The following SRGAP3 variants were observed in gnomAD, a reference collection of about 807,000 sequenced individuals.
SRGAP3 encodes the protein SLIT-ROBO Rho GTPase-activating protein 3.
A neutral mutation model predicts 121.1 loss-of-function variants in SRGAP3; 39 were observed. The observed-to-expected ratio is 0.32, with a 90% confidence interval of 0.25 to 0.42. SRGAP3 has a LOEUF of 0.42. Among genes scored for constraint, SRGAP3 ranks in the 10% least tolerant of loss-of-function variants. SRGAP3 has a pLI of 1.00. For synonymous variants in SRGAP3, 601 were observed against 570.0 expected, an observed-to-expected ratio of 1.05 and a Z score of -0.77; for missense variants, 1,213 against 1,470.6, an observed-to-expected ratio of 0.82 and a Z score of 2.86.
intron 1 of SRGAP3, among the ~76,000 whole-genome samples, chr3:9,229,164 G>A (rs1361623766): frequency 2.0e-5 from 3 of 151,996 alleles, no homozygotes; most frequent in African/African-American, 4.8e-5. Flanking sequence ...GGAAGGAAAG[G>A]TGATATTATG....
At chr3:9,313,129 TACTCC>T (rs1386329875) in intron 3 of SRGAP3, among the ~76,000 whole-genome samples, 2 of 152,144 alleles carry the variant, frequency 1.3e-5, no homozygotes, top group Non-Finnish European at 2.9e-5. Context: ...CCCAAGTGCT[TACTCC>T]ACTCCTCCCA....
At chr3:9,287,086 G>C (rs572877242) in intron 3 of SRGAP3, among the ~76,000 whole-genome samples, 135 of 143,728 alleles carry the variant, frequency 9.4e-4, no homozygotes, top group African/African-American at 2.6e-3. Context: ...CGACCTCCTG[G>C]GCTCAAGCAA....
At chr3:9,172,315 C>T (rs1182703930) in intron 1 of SRGAP3, among the ~76,000 whole-genome samples, 3 of 151,968 alleles carry the variant, frequency 2.0e-5, no homozygotes, top group Non-Finnish European at 4.4e-5. Flanking sequence ...GTTTCCCAGG[C>T]TGGTCTTGAA....
chr3:9,303,700 G>T (rs1234942507), intron 3 of SRGAP3, among the ~76,000 whole-genome samples: 1 of 152,118 alleles, frequency 6.6e-6, no homozygotes, highest in East Asian at 1.9e-4. Context: ...TCAAGTCACT[G>T]GCTTAATCCA....
intron 16 of SRGAP3, 51 bp from the exon 17 acceptor site, chr3:9,013,586 C>G (rs556740179): frequency 8.7e-6 from 14 of 1,601,228 alleles, no homozygotes; most frequent in Non-Finnish European, 1.1e-5. Context: ...AAGTCCTCCC[C>G]CTGTGTTTTT....
intron 2 of SRGAP3, among the ~76,000 whole-genome samples, chr3:9,124,160 G>A (rs1949130554): frequency 6.6e-6 from 1 of 152,164 alleles, no homozygotes; most frequent in Non-Finnish European, 1.5e-5. Flanking sequence ...CTTGGGATAT[G>A]AGAAATCAGG....
At chr3:9,146,731 C>G (rs1205635862) in intron 1 of SRGAP3, among the ~76,000 whole-genome samples, 1 of 152,148 alleles carries the variant, frequency 6.6e-6, no homozygotes, top group Non-Finnish European at 1.5e-5. Flanking sequence ...GGTATGCAGA[C>G]AGAGAGCACC....
chr3:9,030,602 T>C (rs1513315), intron 12 of SRGAP3, among the ~76,000 whole-genome samples: 25,183 of 152,230 alleles, frequency 0.17, 2,235 homozygotes, highest in Middle Eastern at 0.27. Context: ...ACTCATGTGG[T>C]TGACTAGGTT....
intron 1 of SRGAP3, among the ~76,000 whole-genome samples, chr3:9,212,121 C>A (rs1952467394): frequency 6.6e-6 from 1 of 152,054 alleles, no homozygotes. Flanking sequence ...TTTATGAAGA[C>A]TCAAGGCACA....
chr3:9,263,574 T>C (rs1046016399), intron 3 of SRGAP3, among the ~76,000 whole-genome samples: 2 of 152,032 alleles, frequency 1.3e-5, no homozygotes, highest in African/African-American at 2.4e-5. Flanking sequence ...CAAACTACCA[T>C]CAGAGAATAC....
At chr3:9,334,012 C>A (rs1955650725) in intron 1 of SRGAP3, among the ~76,000 whole-genome samples, 1 of 151,944 alleles carries the variant, frequency 6.6e-6, no homozygotes, top group South Asian at 2.1e-4. Context: ...CAAAGAAATT[C>A]TCAGGATACT....
intron 3 of SRGAP3, among the ~76,000 whole-genome samples, chr3:9,316,660 CA>C (rs1219624520): frequency 2.0e-5 from 3 of 150,658 alleles, no homozygotes; most frequent in African/African-American, 2.4e-5. Context: ...ATCTCAAAAA[CA>C]AAAAAAAATT....
intron 3 of SRGAP3, among the ~76,000 whole-genome samples, chr3:9,319,186 C>CTCAGAGAGCCTTACAAATA (rs1337521742): frequency 6.6e-6 from 1 of 151,596 alleles, no homozygotes; most frequent in Non-Finnish European, 1.5e-5. Context: ...AATAAGAAAA[C>CTCAGAGAGCCTTACAAATA]AGGCTCAGAG....
chr3:9,244,395 C>G (rs767771229), intron 1 of SRGAP3, among the ~76,000 whole-genome samples: 14 of 151,582 alleles, frequency 9.2e-5, no homozygotes, highest in Non-Finnish European at 2.1e-4. Context: ...CCTTCTTCCT[C>G]AAACCTCTAG....
Position 8,985,466 on chromosome 3 carries a change from C to T in SRGAP3, c.*53G>A. 6.3e-7 allele frequency: 1 copy of T among 1,593,540 alleles called. No individual in the cohort carries two copies. Among genetic ancestry groups the T allele is most frequent in the African/African-American group, 1.3e-5 (1 of 74,680 alleles). ...AGCACGTGGAAGCCACCAAGGCCAC[C>T]CTGGGCCGTGGTGAGCCACAGCGGG... On this transcript the variant is annotated 3_prime_UTR_variant, in exon 22 of 22. Transcript: ENST00000383836. The surrounding 1 kb of genome is among the most constrained non-coding windows in gnomAD (Gnocchi z 5.1).
At chr3:9,301,748 G>A (rs1334308532) in intron 3 of SRGAP3, among the ~76,000 whole-genome samples, 1 of 152,264 alleles carries the variant, frequency 6.6e-6, no homozygotes, top group Non-Finnish European at 1.5e-5. Context: ...ACGCACTTCT[G>A]TCATTAACTG....
intron 3 of SRGAP3, among the ~76,000 whole-genome samples, chr3:9,103,873 GT>G (rs1279779272): frequency 6.6e-6 from 1 of 152,204 alleles, no homozygotes; most frequent in Admixed American, 6.5e-5. Flanking sequence ...GCTTCTGGAT[GT>G]TTATATGGGT....
intron 1 of SRGAP3, among the ~76,000 whole-genome samples, chr3:9,161,519 AGATAG>A (rs1260876601): frequency 1.3e-5 from 2 of 152,374 alleles, no homozygotes; most frequent in Non-Finnish European, 2.9e-5. Flanking sequence ...GAAGAGGCAG[AGATAG>A]GATATAAACC....
chr3:9,219,890 A>T (rs145415096), intron 1 of SRGAP3, among the ~76,000 whole-genome samples: 1 of 152,196 alleles, frequency 6.6e-6, no homozygotes, highest in Non-Finnish European at 1.5e-5. Context: ...AGCAACATGG[A>T]TGGAACTGGA....
Sources: allele counts gnomAD v4.1 joint callset (sites outside exome capture counted in the v4.1 genomes callset), GRCh38; gene constraint gnomAD v4.1.1; non-coding constraint Gnocchi (gnomAD v3.1); transcripts MANE v1.5; gene names NCBI Gene and HGNC (gene_info 2026-07-23, HGNC 2026-07-21).